The following DDC variants were observed in gnomAD, a reference collection of about 807,000 sequenced individuals.
The protein encoded by DDC is aromatic-L-amino-acid decarboxylase.
In DDC, 43 loss-of-function variants were observed where a neutral mutation model predicts 60.0. The ratio of observed to expected loss-of-function variants is 0.72; its 90% CI spans 0.56 to 0.92. DDC has a LOEUF of 0.92. DDC is among the 40% of genes least tolerant of loss of function. The pLI, the probability that DDC is intolerant of heterozygous loss-of-function variation, is 0.00. For synonymous variants in DDC, 232 were observed against 234.6 expected, an observed-to-expected ratio of 0.99 and a Z score of 0.10; for missense variants, 573 against 620.2, an observed-to-expected ratio of 0.92 and a Z score of 0.81.
chr7:50,537,776 T>C (rs991551188), intron 4 of DDC, 84 bp downstream of exon 4: 5 of 1,525,540 alleles, frequency 3.3e-6, no homozygotes, highest in Non-Finnish European at 4.5e-6. Context: ...ACAAGAAGCA[T>C]GAGTGCCTCT....
intron 14 of DDC, among the ~76,000 whole-genome samples, chr7:50,462,879 C>G (rs1225519774): frequency 6.6e-6 from 1 of 150,758 alleles, no homozygotes; most frequent in African/African-American, 2.5e-5. Flanking sequence ...ATGCGATTCT[C>G]CTGCCTCAGC....
chr7:50,461,405 C>T (rs886626057), intron 14 of DDC, among the ~76,000 whole-genome samples: 48 of 152,162 alleles, frequency 3.2e-4, no homozygotes, highest in African/African-American at 1.1e-3. Context: ...TCCAAAACAA[C>T]ATACATGCAT....
chr7:50,509,147 C>T (rs568416460), intron 6 of DDC, among the ~76,000 whole-genome samples: 1 of 151,986 alleles, frequency 6.6e-6, no homozygotes, highest in African/African-American at 2.4e-5. Flanking sequence ...AGGAAAGGGA[C>T]CATGGCTCGC....
intron 1 of DDC, among the ~76,000 whole-genome samples, chr7:50,564,586 T>C (rs759278166): frequency 1.2e-4 from 19 of 152,250 alleles, no homozygotes; most frequent in Non-Finnish European, 2.5e-4. Context: ...GATTCTTATA[T>C]ACTTCCGACA....
At chr7:50,541,711 GC>G (rs1290624191) in intron 2 of DDC, among the ~76,000 whole-genome samples, 1 of 152,178 alleles carries the variant, frequency 6.6e-6, no homozygotes, top group Non-Finnish European at 1.5e-5. Flanking sequence ...TGTTGTTTAA[GC>G]CCCCAGTCTA....
chr7:50,463,876 A>AT (rs1203006371), intron 13 of DDC, among the ~76,000 whole-genome samples: 4 of 152,212 alleles, frequency 2.6e-5, no homozygotes, highest in Admixed American at 6.5e-5. Context: ...TCTGAGAAGA[A>AT]TGTCCATGAA....
At chr7:50,538,004 T>C (rs1484679679) in intron 3 of DDC, 25 bp from the exon 4 acceptor site, 1 of 1,614,110 alleles carries the variant, frequency 6.2e-7, no homozygotes, top group East Asian at 2.2e-5. Context: ...GGGAAGGGAT[T>C]AACCGAGGGC....
intron 11 of DDC, among the ~76,000 whole-genome samples, chr7:50,473,118 A>G (rs2153534856): frequency 6.6e-6 from 1 of 152,254 alleles, no homozygotes; most frequent in East Asian, 1.9e-4. Context: ...ACTGCATTGT[A>G]GCTAAAATAG....
chr7:50,459,241 A>C (rs1363093160), intron 14 of DDC, among the ~76,000 whole-genome samples: 3 of 152,296 alleles, frequency 2.0e-5, no homozygotes, highest in Admixed American at 2.0e-4. Flanking sequence ...TTGCAGACGG[A>C]GTCTGGTTCA....
chr7:50,548,657 C>T (rs535398635), intron 1 of DDC, among the ~76,000 whole-genome samples: 2 of 152,270 alleles, frequency 1.3e-5, no homozygotes, highest in South Asian at 2.1e-4. Flanking sequence ...AAGCTGTCTC[C>T]ATTACATAGA....
At chr7:50,539,785 G>C (rs922494526) in intron 3 of DDC, 130 bp downstream of exon 3, 2 of 711,372 alleles carry the variant, frequency 2.8e-6, no homozygotes, top group East Asian at 2.8e-5. Context: ...TCTCCTCCCT[G>C]CAACAGTAGC....
intron 1 of DDC, among the ~76,000 whole-genome samples, chr7:50,545,980 T>C (rs2044795226): frequency 6.6e-6 from 1 of 152,116 alleles, no homozygotes; most frequent in Non-Finnish European, 1.5e-5. Flanking sequence ...GATGAGGAAA[T>C]GGAAGCTCAG....
intron 9 of DDC, 111 bp from the exon 10 acceptor site, chr7:50,479,974 G>T: frequency 2.8e-6 from 2 of 705,628 alleles, no homozygotes; most frequent in Non-Finnish European, 5.0e-6. Flanking sequence ...GCCCTGCCCT[G>T]AACACCACTC....
At chr7:50,551,486 G>A (rs2044992366) in intron 1 of DDC, among the ~76,000 whole-genome samples, 1 of 152,084 alleles carries the variant, frequency 6.6e-6, no homozygotes, top group Non-Finnish European at 1.5e-5. Context: ...ACCCGCCTCA[G>A]CCTCCCAAAA....
Position 50,559,164 on chromosome 7 carries a change from G to A in DDC, c.-29+6121C>T, listed in dbSNP as rs531967615. Among the ~76,000 whole-genome samples, 10 of 152,294 alleles carry A rather than the reference G, an allele frequency of 6.6e-5. No individual in the cohort carries two copies. The South Asian group carries it at 2.1e-3, about 32-fold the overall frequency. On this transcript the variant is annotated intron_variant, in intron 1 of 14. Transcript: ENST00000444124. The stretch of plus-strand genomic sequence containing the variant: ...GCAGCCTGATCCCCTTTACAGCAAT[G>A]CGAAGAGGCTGAGGGAAGCATGCAG...
At position 50,525,822 on chromosome 7, in the gene DDC, T is replaced by G. The variant is rs2044022955; in HGVS notation, c.714+2315A>C. 2.6e-5 allele frequency among the ~76,000 whole-genome samples: 4 copies of G among 151,854 alleles called. No homozygotes were observed. In the South Asian group the frequency reaches 8.3e-4, roughly 32 times the overall value. ...TTTTTAATGTTTAGAATTATGAGCA[T>G]GACATATTTATCAGCTAGGCATAGC... On this transcript the variant is annotated intron_variant, in intron 6 of 14. Transcript: ENST00000444124.
chr7:50,515,051 A>G (rs1485675439), intron 6 of DDC, among the ~76,000 whole-genome samples: 1 of 152,200 alleles, frequency 6.6e-6, no homozygotes, highest in Non-Finnish European at 1.5e-5. Context: ...TCCAAATACA[A>G]GAAGCACAAA....
chr7:50,560,007 G>A (rs778567100), intron 1 of DDC, among the ~76,000 whole-genome samples: 6 of 152,196 alleles, frequency 3.9e-5, no homozygotes, highest in Non-Finnish European at 8.8e-5. Context: ...AGAAACTGCT[G>A]AGAATGGCTT....
intron 7 of DDC, among the ~76,000 whole-genome samples, chr7:50,499,885 C>T (rs994454384): frequency 6.6e-6 from 1 of 152,220 alleles, no homozygotes; most frequent in Non-Finnish European, 1.5e-5. Context: ...GGCTCAACTC[C>T]TGCTTCCAGT....
Sources: gnomAD v4.1 joint callset for allele counts (sites outside exome capture counted in the v4.1 genomes callset) on GRCh38, gnomAD v4.1.1 for gene constraint, MANE v1.5 for transcripts, NCBI Gene and HGNC (gene_info 2026-07-23, HGNC 2026-07-21) for gene names.